Variants in FUT8 observed in about 807,000 individuals in gnomAD.
The protein encoded by FUT8 is fucosyltransferase 8, also known as alpha-(1,6)-fucosyltransferase.
In FUT8, 29 loss-of-function variants were observed where a neutral mutation model predicts 71.3. That is an observed-to-expected ratio of 0.41 (90% CI 0.30 to 0.55). The LOEUF is 0.55. Among genes scored for constraint, FUT8 ranks in the 20% least tolerant of loss-of-function variants. FUT8 has a pLI of 0.34. For synonymous variants in FUT8, 254 were observed against 239.3 expected (o/e 1.06, Z -0.57); for missense variants, 544 against 702.1 (o/e 0.77, Z 2.55).
At chr14:65,501,058 G>A (rs1014154781) in intron 2 of FUT8, among the ~76,000 whole-genome samples, 1 of 152,100 alleles carries the variant, frequency 6.6e-6, no homozygotes, top group African/African-American at 2.4e-5. Context: ...TTTCCAAAGC[G>A]ATCAAGATCA....
At chr14:65,700,459 T>C (rs1453980489) in intron 7 of FUT8, among the ~76,000 whole-genome samples, 1 of 145,660 alleles carries the variant, frequency 6.9e-6, no homozygotes, top group Non-Finnish European at 1.5e-5. Flanking sequence ...GGCTCAATCT[T>C]GGCTCACTGC....
intron 6 of FUT8, among the ~76,000 whole-genome samples, chr14:65,654,369 A>G (rs1891558123): frequency 6.6e-6 from 1 of 152,170 alleles, no homozygotes; most frequent in Non-Finnish European, 1.5e-5. Flanking sequence ...CAGGCGGATC[A>G]CCTGAGGTCA....
At chr14:65,566,696 A>G (rs116383435) in intron 3 of FUT8, among the ~76,000 whole-genome samples, 1 of 151,944 alleles carries the variant, frequency 6.6e-6, no homozygotes, top group Non-Finnish European at 1.5e-5. Context: ...GAATCAGTTG[A>G]CTTTGATGCT....
At chr14:65,441,044 A>C (rs1369125052) in intron 1 of FUT8, among the ~76,000 whole-genome samples, 1 of 152,226 alleles carries the variant, frequency 6.6e-6, no homozygotes, top group African/African-American at 2.4e-5. Flanking sequence ...AAAAAAAAGA[A>C]TGAATATAAG....
At chr14:65,614,768 A>T (rs573262639) in intron 3 of FUT8, among the ~76,000 whole-genome samples, 9 of 152,214 alleles carry the variant, frequency 5.9e-5, no homozygotes, top group African/African-American at 2.2e-4. Context: ...AGATAATCCA[A>T]TCTCAAAATC....
chr14:65,734,214 C>G (rs1225563904), intron 10 of FUT8, among the ~76,000 whole-genome samples: 1 of 151,918 alleles, frequency 6.6e-6, no homozygotes. Context: ...AGAATAATTA[C>G]CAGAACATAT....
At chr14:65,676,688 T>C (rs973960661) in intron 7 of FUT8, among the ~76,000 whole-genome samples, 4 of 151,034 alleles carry the variant, frequency 2.6e-5, no homozygotes, top group Non-Finnish European at 4.4e-5. Context: ...GACATACTTA[T>C]GTGAATCTTT....
At chr14:65,456,549 A>G (rs1285192564) in intron 2 of FUT8, among the ~76,000 whole-genome samples, 1 of 151,900 alleles carries the variant, frequency 6.6e-6, no homozygotes, top group Non-Finnish European at 1.5e-5. Context: ...AACTGCTGCA[A>G]TCATACATTA....
At chr14:65,449,216 T>C (rs1471670894) in intron 1 of FUT8, among the ~76,000 whole-genome samples, 3 of 152,226 alleles carry the variant, frequency 2.0e-5, no homozygotes, top group Non-Finnish European at 4.4e-5. Flanking sequence ...AAATTAGTTA[T>C]AACTTATTTT....
Position 65,724,106 on chromosome 14 carries a change from G to C in FUT8, c.1083-41G>C, listed in dbSNP as rs746105128. On this transcript the variant is annotated intron_variant, in intron 8 of 10. Coordinates refer to ENST00000673929, the MANE Select transcript of FUT8 (RefSeq NM_001371533.1). ...AAATTGAGTACCCTCAAAGCACCCA[G>C]TGTCAGTACATTACCAGTAGAATCT... 12 of 1,444,736 alleles carry C rather than the reference G, an allele frequency of 8.3e-6. No homozygotes were observed. In the Admixed American group the frequency reaches 1.2e-4, roughly 14 times the overall value. The allele number at this position is 1,444,736 out of a possible 1,614,324, so 89.5% of individuals were successfully genotyped here.
intron 3 of FUT8, among the ~76,000 whole-genome samples, chr14:65,601,976 T>TA (rs1031970651): frequency 6.6e-5 from 10 of 152,064 alleles, no homozygotes; most frequent in African/African-American, 2.4e-4. Flanking sequence ...TGATGGTTTT[T>TA]AAAAAAATTT....
In FUT8 at chr14:65,742,093, G is replaced by A. The variant is rs1347614030; in HGVS notation, c.1411G>A (p.Val471Ile). The A allele has an allele frequency of 1.2e-6, 2 of 1,609,320 alleles. No homozygotes were observed. Among genetic ancestry groups the A allele is most frequent in the Non-Finnish European group, 1.7e-6 (2 of 1,176,662 alleles). ...AATTTCTTTTAAATTCTTTCCCAAG[G>A]TCTGTCGAGTTGCTTATGAAATTAT... is the stretch of plus-strand genomic sequence containing the variant. ...DFLVCTFSSQ[V>I]CRVAYEIMQT... Residue 471 changes from valine (V) to isoleucine (I), a missense_variant and splice_region_variant, in exon 11 of 11, where the codon GTC becomes ATC. Transcript: ENST00000673929.
chr14:65,457,381 G>T (rs975688145), intron 2 of FUT8, among the ~76,000 whole-genome samples: 10 of 152,292 alleles, frequency 6.6e-5, no homozygotes, highest in African/African-American at 2.4e-4. Flanking sequence ...TATAGAAAGA[G>T]AAATGATGTA....
chr14:65,564,925 G>A (rs1286358756), intron 3 of FUT8, among the ~76,000 whole-genome samples: 1 of 151,830 alleles, frequency 6.6e-6, no homozygotes, highest in African/African-American at 2.4e-5. Flanking sequence ...TTATATTGAT[G>A]TGTCTTAGCC....
At chr14:65,649,083 T>C (rs2097945752) in intron 6 of FUT8, among the ~76,000 whole-genome samples, 1 of 152,236 alleles carries the variant, frequency 6.6e-6, no homozygotes, top group South Asian at 2.1e-4. Flanking sequence ...TTTTCATTGG[T>C]ATAAACATTG....
At chr14:65,504,619 C>G (rs1349924955) in intron 2 of FUT8, among the ~76,000 whole-genome samples, 1 of 152,172 alleles carries the variant, frequency 6.6e-6, no homozygotes, top group Non-Finnish European at 1.5e-5. Flanking sequence ...AACCTGTTCT[C>G]TTTCCATAGT....
At chr14:65,428,065 A>G (rs191012015) in intron 1 of FUT8, among the ~76,000 whole-genome samples, 1 of 152,328 alleles carries the variant, frequency 6.6e-6, no homozygotes, top group East Asian at 1.9e-4. Context: ...CACCAAATAT[A>G]TAAACATGGT....
intron 2 of FUT8, chr14:65,479,854 A>G (rs2066302129): frequency 6.6e-6 from 1 of 152,292 alleles, no homozygotes; most frequent in East Asian, 1.9e-4. Flanking sequence ...TAGATCTGCA[A>G]GGTTTTTTTA....
At chr14:65,650,579 G>GA (rs962333744) in intron 6 of FUT8, among the ~76,000 whole-genome samples, 4 of 151,596 alleles carry the variant, frequency 2.6e-5, no homozygotes, top group African/African-American at 9.7e-5. Context: ...AGCCATTTGT[G>GA]AAAAACGGCC....
Sources: gnomAD v4.1 joint callset for allele counts (sites outside exome capture counted in the v4.1 genomes callset) on GRCh38, gnomAD v4.1.1 for gene constraint, MANE v1.5 for transcripts, NCBI Gene and HGNC (gene_info 2026-07-23, HGNC 2026-07-21) for gene names.